Variants in RERG observed in about 807,000 individuals in gnomAD.
The protein encoded by RERG is ras-related and estrogen-regulated growth inhibitor.
Under a neutral mutation model 23.2 loss-of-function variants are expected in RERG, and 25 were observed. The ratio of observed to expected loss-of-function variants is 1.08; its 90% CI spans 0.79 to 1.50. The LOEUF (loss-of-function observed/expected upper bound fraction) is 1.50, where lower values mean the gene tolerates loss of function less well. Ranked by LOEUF, RERG falls within the 40% of genes most tolerant of loss-of-function variation. The pLI, the probability that RERG is intolerant of heterozygous loss-of-function variation, is 0.00. For missense variants in RERG, 253 were observed against 250.1 expected (o/e 1.01, Z -0.08); for synonymous variants, 81 against 89.1 (o/e 0.91, Z 0.51).
intron 2 of RERG, among the ~76,000 whole-genome samples, chr12:15,194,509 T>TA (rs11450804): frequency 0.98 from 144,565 of 147,018 alleles, 71,071 homozygotes; most frequent in Middle Eastern, 1. Context: ...CCGATCTCCC[T>TA]AAAAAAAAAA....
intron 2 of RERG, among the ~76,000 whole-genome samples, chr12:15,122,903 A>G (rs1425595127): frequency 6.6e-6 from 1 of 151,662 alleles, no homozygotes; most frequent in Non-Finnish European, 1.5e-5. Flanking sequence ...GGTTCAAGCA[A>G]TTCTCCTGCC....
chr12:15,108,743 A>C lies in RERG; in HGVS notation c.*367T>G, dbSNP rs1054224973. ...TCTGCTATCTTAGACTTTTAAGAAA[A>C]TTATTTGTAGTATCTGACAAGAAAT... On this transcript the variant is annotated 3_prime_UTR_variant, in exon 5 of 5. Coordinates refer to ENST00000256953, the MANE Select transcript of RERG (RefSeq NM_032918.3). 2 of 168,890 alleles carry C rather than the reference A, an allele frequency of 1.2e-5. No individual in the cohort carries two copies. The highest frequency in any genetic ancestry group is 4.7e-5 in the African/African-American group (2 of 42,230). The allele number at this position is 168,890 out of a possible 1,614,324, so 10.5% of individuals were successfully genotyped here. A position where few individuals can be genotyped will look rare whatever the true frequency, so the allele number is the denominator to read the frequency against.
At chr12:15,113,178 T>C (rs111918974) in intron 3 of RERG, among the ~76,000 whole-genome samples, 104 of 152,298 alleles carry the variant, frequency 6.8e-4, no homozygotes, top group African/African-American at 2.4e-3. Flanking sequence ...TGTGAACTAA[T>C]GTACTTGTCT....
chr12:15,158,875 CA>C (rs1424327156), intron 2 of RERG, among the ~76,000 whole-genome samples: 1 of 151,916 alleles, frequency 6.6e-6, no homozygotes, highest in Non-Finnish European at 1.5e-5. Context: ...ATTAAGGTGG[CA>C]TTTTTTTAGA....
rs1268910623 is a variant in RERG, at chr12:15,128,233, G to T, written c.62-7114C>A. On this transcript the variant is annotated intron_variant, in intron 2 of 4. Transcript: ENST00000256953. ...CATGACCAGAAACCATGGCAACACAGAAAGAGAACATGAATTTCGTGAAGC... is the reference window on the plus strand; with the variant it reads ...CATGACCAGAAACCATGGCAACACATAAAGAGAACATGAATTTCGTGAAGC... 2.6e-5 allele frequency among the ~76,000 whole-genome samples: 4 copies of T among 152,186 alleles called. No individual in the cohort carries two copies. In the East Asian group the frequency reaches 7.7e-4, roughly 29 times the overall value.
intron 2 of RERG, among the ~76,000 whole-genome samples, chr12:15,158,031 A>G (rs1864548489): frequency 6.6e-6 from 1 of 152,194 alleles, no homozygotes; most frequent in Non-Finnish European, 1.5e-5. Context: ...AAGTGTTTCA[A>G]TATCTATACT....
rs1266101923 is a variant in RERG at position 15,108,821 on chromosome 12, G to A, written c.*289C>T. 3.5e-6 allele frequency: 1 copy of A among 289,426 alleles called. No homozygotes were observed. Among genetic ancestry groups the A allele is most frequent in the African/African-American group, 2.2e-5 (1 of 46,258 alleles). The allele number at this position is 289,426 out of a possible 1,614,324, so 17.9% of individuals were successfully genotyped here. ...TTCAACCTACTTAAAGCAAGGTGAAGATGCCTAAAAATAGCTTAACATAAA... is the reference window on the plus strand; with the variant it reads ...TTCAACCTACTTAAAGCAAGGTGAAAATGCCTAAAAATAGCTTAACATAAA... On this transcript the variant is annotated 3_prime_UTR_variant, in exon 5 of 5. Coordinates refer to ENST00000256953, the MANE Select transcript of RERG (RefSeq NM_032918.3).
At chr12:15,189,742 G>A (rs1247778729) in intron 2 of RERG, among the ~76,000 whole-genome samples, 2 of 152,130 alleles carry the variant, frequency 1.3e-5, no homozygotes, top group Non-Finnish European at 2.9e-5. Flanking sequence ...AGAAAGAAGT[G>A]TCTTCTGAGA....
Position 15,148,754 on chromosome 12 carries a change from CAT to C in RERG, c.62-27637_62-27636del, listed in dbSNP as rs1301862121. On this transcript the variant is annotated intron_variant, in intron 2 of 4. Transcript: ENST00000256953. ...TCGTATATTCCAGCATCATTATTAACATGTCTATTTAGCACTGAAATTTTGGT... is the reference window on the plus strand; with the variant it reads ...TCGTATATTCCAGCATCATTATTAACGTCTATTTAGCACTGAAATTTTGGT... Among the ~76,000 whole-genome samples, 18 of 146,140 alleles carry C rather than the reference CAT, an allele frequency of 1.2e-4. No homozygotes were observed. In the East Asian group the frequency reaches 3.9e-3, roughly 32 times the overall value.
At chr12:15,123,292 T>C (rs1243079797) in intron 2 of RERG, among the ~76,000 whole-genome samples, 3 of 152,010 alleles carry the variant, frequency 2.0e-5, no homozygotes. Flanking sequence ...CCAAGTATAC[T>C]GAACATAATT....
chr12:15,111,341 C>T lies in RERG; in HGVS notation c.192+3G>A, dbSNP rs769006261. 1.9e-6 allele frequency: 3 copies of T among 1,602,506 alleles called. No homozygotes were observed. The highest frequency in any genetic ancestry group is 2.6e-6 in the Non-Finnish European group (3 of 1,171,444). On this transcript the variant is annotated splice_donor_region_variant and intron_variant, in intron 4 of 4. Transcript: ENST00000256953. The stretch of plus-strand genomic sequence containing the variant: ...AAATATTTTAGCTGAACTCTTTATT[C>T]ACCTGACCAGCAGTGTCTAGTATCT...
At chr12:15,133,146 G>GAC (rs765946906) in intron 2 of RERG, among the ~76,000 whole-genome samples, 2 of 125,218 alleles carry the variant, frequency 1.6e-5, no homozygotes, top group South Asian at 2.6e-4. Flanking sequence ...ATCCTGTGGA[G>GAC]ATATATATAT....
chr12:15,120,516 T>G (rs1591635008), intron 3 of RERG, among the ~76,000 whole-genome samples: 1 of 150,428 alleles, frequency 6.6e-6, no homozygotes, highest in Non-Finnish European at 1.5e-5. Flanking sequence ...CCAGGAAGAG[T>G]GTTTGCCTAC....
intron 2 of RERG, among the ~76,000 whole-genome samples, chr12:15,121,358 G>T (rs1420404697): frequency 2.0e-5 from 3 of 152,020 alleles, no homozygotes; most frequent in Non-Finnish European, 4.4e-5. Context: ...AATTAGATTT[G>T]TTGCTTTAGT....
intron 2 of RERG, among the ~76,000 whole-genome samples, chr12:15,213,839 AT>A (rs1865402019): frequency 6.6e-6 from 1 of 152,212 alleles, no homozygotes; most frequent in South Asian, 2.1e-4. Flanking sequence ...GCACTTTCAA[AT>A]TTAAAAGTGT....
At chr12:15,154,465 G>C (rs1305455909) in intron 2 of RERG, 2 of 152,216 alleles carry the variant, frequency 1.3e-5, no homozygotes, top group Non-Finnish European at 2.9e-5. Flanking sequence ...TTATGAAGGA[G>C]AGCAGTGTCT....
chr12:15,175,149 TTTTGTTGTA>T (rs1369133583), intron 2 of RERG, among the ~76,000 whole-genome samples: 3 of 151,522 alleles, frequency 2.0e-5, no homozygotes, highest in Non-Finnish European at 4.4e-5. Context: ...GTTGCTATCA[TTTTGTTGTA>T]TTTGTTGTTT....
intron 2 of RERG, among the ~76,000 whole-genome samples, chr12:15,132,167 A>G (rs142344305): frequency 3.3e-4 from 50 of 152,310 alleles, no homozygotes; most frequent in African/African-American, 1.2e-3. Flanking sequence ...GGATGAAGGT[A>G]AGACTGGAAA....
intron 2 of RERG, among the ~76,000 whole-genome samples, chr12:15,161,199 A>AAAGAAAGAAAGAAAGAAAGG (rs1864606685): frequency 6.7e-6 from 1 of 149,502 alleles, no homozygotes; most frequent in Non-Finnish European, 1.5e-5. Flanking sequence ...AGAAAGAAAG[A>AAAGAAAGAAAGAAAGAAAGG]AAGAAAGAAA....
Sources: allele counts gnomAD v4.1 joint callset (sites outside exome capture counted in the v4.1 genomes callset), GRCh38; gene constraint gnomAD v4.1.1; transcripts MANE v1.5; gene names NCBI Gene and HGNC (gene_info 2026-07-23, HGNC 2026-07-21).